The following PRDM16 variants were observed in gnomAD, a reference collection of about 807,000 sequenced individuals.
PRDM16 encodes the protein histone-lysine N-methyltransferase PRDM16.
Under a neutral mutation model 110.6 loss-of-function variants are expected in PRDM16, and 23 were observed. The observed-to-expected ratio is 0.21, with a 90% confidence interval of 0.15 to 0.29. The LOEUF (loss-of-function observed/expected upper bound fraction) is 0.29, where lower values mean the gene tolerates loss of function less well. PRDM16 is among the 10% of genes least tolerant of loss of function. PRDM16 has a pLI of 1.00. For missense variants in PRDM16, 1,615 were observed against 1,794.3 expected, an observed-to-expected ratio of 0.90 and a Z score of 1.81; for synonymous variants, 799 against 781.8, an observed-to-expected ratio of 1.02 and a Z score of -0.37.
At position 3,181,545 on chromosome 1, in the gene PRDM16, TAC is replaced by T. The variant is rs1399691298; in HGVS notation, c.38-4575_38-4574del. On this transcript the variant is annotated intron_variant, in intron 1 of 16. Transcript: ENST00000270722. Reference sequence around the variant, plus strand: ...ACACAAGCGGTCTTACACACGGTCTTACACACGCAGTCTTACACACGCAGTCT... The same window carrying T: ...ACACAAGCGGTCTTACACACGGTCTTACACGCAGTCTTACACACGCAGTCT... 1.8e-3 allele frequency among the ~76,000 whole-genome samples: 57 copies of T among 31,586 alleles called. 3 individuals carry two copies. The highest frequency in any genetic ancestry group is 0.015 in the African/African-American group (53 of 3,442). 20.7% of individuals were successfully genotyped at this position (31,586 alleles called of 152,430 possible).
At chr1:3,314,378 C>T (rs963745479) in intron 3 of PRDM16, among the ~76,000 whole-genome samples, 2 of 152,104 alleles carry the variant, frequency 1.3e-5, no homozygotes, top group Non-Finnish European at 2.9e-5. Flanking sequence ...TGTACCGAAT[C>T]GGAAGGATTT....
chr1:3,138,812 C>A (rs560311282), intron 1 of PRDM16, among the ~76,000 whole-genome samples: 1 of 152,162 alleles, frequency 6.6e-6, no homozygotes, highest in Non-Finnish European at 1.5e-5. Context: ...GGGAGCCAGG[C>A]GCCCCTGCAT....
At chr1:3,118,189 A>G (rs999964756) in intron 1 of PRDM16, among the ~76,000 whole-genome samples, 1 of 151,730 alleles carries the variant, frequency 6.6e-6, no homozygotes, top group African/African-American at 2.4e-5. Flanking sequence ...TTGTGTGTGC[A>G]TGCATGTACA....
chr1:3,128,327 G>C (rs1643254408), intron 1 of PRDM16, among the ~76,000 whole-genome samples: 1 of 152,330 alleles, frequency 6.6e-6, no homozygotes, highest in East Asian at 1.9e-4. Context: ...GGGGTCGTCA[G>C]ATCAACTTTG....
Position 3,405,361 on chromosome 1 carries a change from G to C in PRDM16, c.1033-134G>C, listed in dbSNP as rs900162837. 9.8e-6 allele frequency: 10 copies of C among 1,024,808 alleles called. No homozygotes were observed. The African/African-American group carries it at 1.6e-4, about 17-fold the overall frequency. 63.5% of individuals were successfully genotyped at this position (1,024,808 alleles called of 1,614,324 possible). ...GCTACACAGAGACCTGTCCCGGCCT[G>C]CTTGGTGCAGACTGCAACGTGGCAA... On this transcript the variant is annotated intron_variant, in intron 7 of 16. Coordinates refer to ENST00000270722, the MANE Select transcript of PRDM16 (RefSeq NM_022114.4).
In PRDM16 at chr1:3,404,972, G is replaced by A. The variant is rs1468728268; in HGVS notation, c.1032+86G>A. On this transcript the variant is annotated intron_variant, in intron 7 of 16. Coordinates refer to ENST00000270722, the MANE Select transcript of PRDM16 (RefSeq NM_022114.4). ...CGCCCCCGTGCTCCCTACACCCCCT[G>A]GTCCAAATGTAGATGGAGTGCGGCA... The A allele has an allele frequency of 6.2e-6, 9 of 1,457,600 alleles. No individual in the cohort carries two copies. In the Admixed American group the frequency reaches 1.1e-4, roughly 19 times the overall value. 90.3% of individuals were successfully genotyped at this position (1,457,600 alleles called of 1,614,324 possible).
rs939831861 is a variant in PRDM16 at position 3,069,503 on chromosome 1, G to A, written c.37+207G>A. 4.1e-5 allele frequency among the ~76,000 whole-genome samples: 6 copies of A among 146,048 alleles called. No individual in the cohort carries two copies. The highest frequency in any genetic ancestry group is 9.1e-5 in the Non-Finnish European group (6 of 65,898). ...CGGAGGCTCGGGGCGCCCGGGCCGC[G>A]CGCTCCCCGAAGGCGCCGGCCCCCT... On this transcript the variant is annotated intron_variant, in intron 1 of 16. Transcript: ENST00000270722. This position sits in a 1 kb window ranked among gnomAD's most constrained non-coding sequence, Gnocchi z 6.1.
At chr1:3,260,334 T>C (rs1640131935) in intron 3 of PRDM16, among the ~76,000 whole-genome samples, 1 of 152,102 alleles carries the variant, frequency 6.6e-6, no homozygotes, top group African/African-American at 2.4e-5. Context: ...CCCATGAGGG[T>C]CTGTCCACAA....
chr1:3,366,895 C>T (rs1010418618), intron 3 of PRDM16, among the ~76,000 whole-genome samples: 3 of 152,204 alleles, frequency 2.0e-5, no homozygotes, highest in African/African-American at 7.2e-5. Flanking sequence ...AACTTTGTAG[C>T]ATCCCGGGGA....
chr1:3,430,272 G>A (rs909703727), intron 14 of PRDM16, among the ~76,000 whole-genome samples: 3 of 152,130 alleles, frequency 2.0e-5, no homozygotes, highest in Admixed American at 6.5e-5. Flanking sequence ...GGGTCCTGCC[G>A]GGCTGCAGTG....
chr1:3,405,502 C>G lies in PRDM16; in HGVS notation c.1040C>G (p.Thr347Arg). 2 of 1,583,312 alleles carry G rather than the reference C, an allele frequency of 1.3e-6. No homozygotes were observed. Among genetic ancestry groups the G allele is most frequent in the Non-Finnish European group, 1.7e-6 (2 of 1,162,832 alleles). ...FECENCVKVF[T>R]DPSNLQRHIR... Reference sequence around the variant, plus strand: ...CGGCATCCGTCTCCCCAGGTGTTCACGGACCCCAGCAACCTTCAGCGGCAC... The same window carrying G: ...CGGCATCCGTCTCCCCAGGTGTTCAGGGACCCCAGCAACCTTCAGCGGCAC... The change falls in exon 8 of 17, where the codon ACG becomes AGG. Residue 347 changes from threonine (T) to arginine (R), a missense_variant. Physicochemically the swap from Thr to Arg is moderately conservative, Grantham distance 71. This residue lies in a region of PRDM16 where 82 missense variants were observed against 144.4 expected (regional missense o/e 0.57). Coordinates refer to ENST00000270722, the MANE Select transcript of PRDM16 (RefSeq NM_022114.4).
chr1:3,192,993 G>A (rs1638351892), intron 2 of PRDM16, among the ~76,000 whole-genome samples: 1 of 152,202 alleles, frequency 6.6e-6, no homozygotes, highest in African/African-American at 2.4e-5. Flanking sequence ...AGTTTAGGAA[G>A]GACCCGGCCA....
At chr1:3,094,666 T>C (rs1343236736) in intron 1 of PRDM16, among the ~76,000 whole-genome samples, 11 of 152,252 alleles carry the variant, frequency 7.2e-5, no homozygotes, top group Admixed American at 7.2e-4. Context: ...CTTATTGGTG[T>C]GAACAGACTC....
At chr1:3,334,539 T>A (rs1217890038) in intron 3 of PRDM16, among the ~76,000 whole-genome samples, 1 of 152,176 alleles carries the variant, frequency 6.6e-6, no homozygotes, top group African/African-American at 2.4e-5. Context: ...TCAACTCCTC[T>A]TGTGGGGAGG....
At chr1:3,173,432 A>C (rs1290390298) in intron 1 of PRDM16, among the ~76,000 whole-genome samples, 1 of 152,214 alleles carries the variant, frequency 6.6e-6, no homozygotes, top group Non-Finnish European at 1.5e-5. Context: ...ACGGATAAAT[A>C]ATCGTCTTAG....
rs1638889559 is a variant in PRDM16 at position 3,435,717 on chromosome 1, C to G, written c.*1906C>G. The G allele has an allele frequency of 4.3e-6, 1 of 232,664 alleles. No individual in the cohort carries two copies. Among genetic ancestry groups the G allele is most frequent in the Admixed American group, 5.6e-5 (1 of 17,760 alleles). 14.4% of individuals were successfully genotyped at this position (232,664 alleles called of 1,614,324 possible). A position where few individuals can be genotyped will look rare whatever the true frequency, so the allele number is the denominator to read the frequency against. ...GCGTGGACATCTCCTCAGGCTGTCCCCAGCGGTGACGGGAGGTGTCCTGGC... is the reference window on the plus strand; with the variant it reads ...GCGTGGACATCTCCTCAGGCTGTCCGCAGCGGTGACGGGAGGTGTCCTGGC... On this transcript the variant is annotated 3_prime_UTR_variant, in exon 17 of 17. Coordinates refer to ENST00000270722, the MANE Select transcript of PRDM16 (RefSeq NM_022114.4).
intron 4 of PRDM16, among the ~76,000 whole-genome samples, chr1:3,395,370 C>A (rs1643369902): frequency 6.6e-6 from 1 of 152,168 alleles, no homozygotes; most frequent in Admixed American, 6.5e-5. Flanking sequence ...GAGCCCTTCC[C>A]TTTCTGAGTC....
intron 2 of PRDM16, among the ~76,000 whole-genome samples, chr1:3,224,517 G>GC (rs748943767): frequency 2.4e-4 from 37 of 152,100 alleles, no homozygotes; most frequent in Non-Finnish European, 4.4e-4. Flanking sequence ...CGCACCCACA[G>GC]CCACTCTCTC....
chr1:3,279,956 C>A (rs1388144206), intron 3 of PRDM16, among the ~76,000 whole-genome samples: 1 of 144,848 alleles, frequency 6.9e-6, no homozygotes, highest in East Asian at 2.1e-4. Flanking sequence ...TCGGTCAAGA[C>A]AAAACCTCAT....
Sources: gnomAD v4.1 joint callset for allele counts (sites outside exome capture counted in the v4.1 genomes callset) on GRCh38, gnomAD v4.1.1 for gene constraint, gnomAD v4.1.1 regional missense constraint, Gnocchi (gnomAD v3.1) non-coding constraint, MANE v1.5 for transcripts, NCBI Gene and HGNC (gene_info 2026-07-23, HGNC 2026-07-21) for gene names.